PTPRD: variants seen among roughly 807,000 people sequenced by gnomAD.
PTPRD encodes the protein protein tyrosine phosphatase receptor type D, also known as receptor-type tyrosine-protein phosphatase delta.
A neutral mutation model predicts 214.5 loss-of-function variants in PTPRD; 34 were observed. The ratio of observed to expected loss-of-function variants is 0.16; its 90% CI spans 0.12 to 0.21. The LOEUF (loss-of-function observed/expected upper bound fraction) is 0.21, where lower values mean the gene tolerates loss of function less well. PTPRD is among the 10% of genes least tolerant of loss of function. The probability of loss-of-function intolerance (pLI) is 1.00; values close to 1 mark genes in which losing one functional copy is unlikely to be tolerated. For missense variants in PTPRD, 2,545 were observed against 2,398.7 expected, an observed-to-expected ratio of 1.06 and a Z score of -1.27; for synonymous variants, 1,128 against 845.7, an observed-to-expected ratio of 1.33 and a Z score of -5.79.
At chr9:9,664,482 G>T (rs1018153797) in intron 7 of PTPRD, among the ~76,000 whole-genome samples, 1 of 151,590 alleles carries the variant, frequency 6.6e-6, no homozygotes, top group African/African-American at 2.4e-5. Flanking sequence ...CATGCAATTA[G>T]ATCAGCTCTT....
intron 10 of PTPRD, among the ~76,000 whole-genome samples, chr9:9,080,231 T>C (rs1360972348): frequency 6.6e-6 from 1 of 152,084 alleles, no homozygotes; most frequent in Admixed American, 6.6e-5. Context: ...TTACACATGG[T>C]GTAAGAGATG....
At chr9:10,037,037 C>A (rs1174819818) in intron 3 of PTPRD, among the ~76,000 whole-genome samples, 1 of 151,944 alleles carries the variant, frequency 6.6e-6, no homozygotes, top group Non-Finnish European at 1.5e-5. Flanking sequence ...AGGTATGTCC[C>A]ACCATGCCTA....
chr9:8,852,858 C>G (rs2097846541), intron 11 of PTPRD, among the ~76,000 whole-genome samples: 2 of 152,098 alleles, frequency 1.3e-5, no homozygotes, highest in South Asian at 4.2e-4. Context: ...GTATTAGCAT[C>G]AAACTAAAAA....
At chr9:8,908,339 A>G (rs2098722720) in intron 11 of PTPRD, among the ~76,000 whole-genome samples, 1 of 152,208 alleles carries the variant, frequency 6.6e-6, no homozygotes, top group Non-Finnish European at 1.5e-5. Flanking sequence ...ATGAGTAGCT[A>G]AAATTCACAG....
At chr9:8,859,077 C>A (rs2098036230) in intron 11 of PTPRD, among the ~76,000 whole-genome samples, 2 of 152,230 alleles carry the variant, frequency 1.3e-5, no homozygotes, top group African/African-American at 4.8e-5. Flanking sequence ...CAGTTTGTGT[C>A]CGCCCCAGTT....
chr9:9,889,272 C>T (rs2072275832), intron 5 of PTPRD, among the ~76,000 whole-genome samples: 1 of 152,132 alleles, frequency 6.6e-6, no homozygotes, highest in South Asian at 2.1e-4. Context: ...CAAGCATCCT[C>T]ACCACAAAAA....
chr9:9,786,278 T>G (rs1162125146), intron 5 of PTPRD, among the ~76,000 whole-genome samples: 1 of 152,136 alleles, frequency 6.6e-6, no homozygotes, highest in Non-Finnish European at 1.5e-5. Flanking sequence ...CTATGCCTAC[T>G]CTAACCCATT....
At position 8,957,878 on chromosome 9, in the gene PTPRD, A is replaced by G. The variant is rs912372608; in HGVS notation, c.-104+60819T>C. 3.3e-5 allele frequency among the ~76,000 whole-genome samples: 5 copies of G among 151,796 alleles called. No homozygotes were observed. The East Asian group carries it at 9.7e-4, about 29-fold the overall frequency. ...GGACATATGGAGGACAAAACAGAAA[A>G]GAATGCTATAGTCCCAAATGAAAAA... On this transcript the variant is annotated intron_variant, in intron 11 of 45. Coordinates refer to ENST00000381196, the MANE Select transcript of PTPRD (RefSeq NM_002839.4).
chr9:8,376,436 C>T (rs138382691), intron 38 of PTPRD, among the ~76,000 whole-genome samples, 171 bp downstream of exon 38: 8 of 152,076 alleles, frequency 5.3e-5, no homozygotes, highest in African/African-American at 1.4e-4. Flanking sequence ...ACTGATAAAT[C>T]GCCAGACAAG....
chr9:8,950,800 G>C (rs1366089863), intron 11 of PTPRD, among the ~76,000 whole-genome samples: 3 of 151,750 alleles, frequency 2.0e-5, no homozygotes, highest in African/African-American at 7.3e-5. Context: ...GGCCAGAGAG[G>C]TTAGTTGAAT....
At chr9:9,919,023 G>A (rs1327357294) in intron 5 of PTPRD, among the ~76,000 whole-genome samples, 3 of 152,022 alleles carry the variant, frequency 2.0e-5, no homozygotes, top group Admixed American at 2.0e-4. Context: ...TGATGTTGAG[G>A]AGATAGAATA....
At chr9:9,232,890 C>T (rs1272709612) in intron 9 of PTPRD, among the ~76,000 whole-genome samples, 5 of 152,100 alleles carry the variant, frequency 3.3e-5, no homozygotes, top group Non-Finnish European at 7.4e-5. Flanking sequence ...GTCATAAAAA[C>T]TAGAACCCCT....
At chr9:9,517,261 A>T (rs942741235) in intron 8 of PTPRD, among the ~76,000 whole-genome samples, 2 of 152,134 alleles carry the variant, frequency 1.3e-5, no homozygotes, top group Admixed American at 1.3e-4. Context: ...GAAACAAGAG[A>T]CAATAAAATA....
intron 8 of PTPRD, among the ~76,000 whole-genome samples, chr9:9,412,765 T>C (rs1302529124): frequency 3.3e-5 from 5 of 152,150 alleles, no homozygotes; most frequent in African/African-American, 1.2e-4. Flanking sequence ...AGTAGCTCTC[T>C]TTTGGCACAA....
At chr9:8,925,185 G>A (rs2098865044) in intron 11 of PTPRD, among the ~76,000 whole-genome samples, 1 of 152,022 alleles carries the variant, frequency 6.6e-6, no homozygotes, top group African/African-American at 2.4e-5. Flanking sequence ...TACTCCCTAT[G>A]TGATGATGCA....
chr9:9,661,721 T>C (rs974499430), intron 7 of PTPRD, among the ~76,000 whole-genome samples: 3 of 151,720 alleles, frequency 2.0e-5, no homozygotes, highest in Non-Finnish European at 4.4e-5. Flanking sequence ...TCGAAGAAGA[T>C]GGTGATGTAA....
At chr9:10,477,384 T>A (rs912875230) in intron 2 of PTPRD, among the ~76,000 whole-genome samples, 1 of 152,054 alleles carries the variant, frequency 6.6e-6, no homozygotes, top group African/African-American at 2.4e-5. Context: ...GAAAAAAAGC[T>A]CATCATCAGT....
intron 5 of PTPRD, among the ~76,000 whole-genome samples, chr9:9,816,441 A>G (rs2048797427): frequency 6.6e-6 from 1 of 152,078 alleles, no homozygotes; most frequent in Admixed American, 6.6e-5. Flanking sequence ...CATAATTGCT[A>G]AAGTGCTTTG....
intron 11 of PTPRD, among the ~76,000 whole-genome samples, chr9:8,917,653 G>A (rs1172647368): frequency 6.6e-6 from 1 of 151,820 alleles, no homozygotes; most frequent in Non-Finnish European, 1.5e-5. Context: ...CTGTATTTTT[G>A]CAATATGCTC....
Sources: gnomAD v4.1 joint callset for allele counts (sites outside exome capture counted in the v4.1 genomes callset) on GRCh38, gnomAD v4.1.1 for gene constraint, MANE v1.5 for transcripts, NCBI Gene and HGNC (gene_info 2026-07-23, HGNC 2026-07-21) for gene names.